LMX1B: variants seen among roughly 807,000 people sequenced by gnomAD.
LMX1B encodes the protein LIM homeobox transcription factor 1-beta.
In LMX1B, 12 loss-of-function variants were observed where a neutral mutation model predicts 51.4. The observed-to-expected ratio is 0.23, with a 90% CI of 0.15 to 0.38. The LOEUF is 0.38. LMX1B is among the 10% of genes least tolerant of loss of function. The pLI, the probability that LMX1B is intolerant of heterozygous loss-of-function variation, is 1.00. For synonymous variants in LMX1B, 237 were observed against 235.4 expected, an observed-to-expected ratio of 1.01 and a Z score of -0.06; for missense variants, 445 against 571.1, an observed-to-expected ratio of 0.78 and a Z score of 2.25.
At chr9:126,690,744 T>C in intron 2 of LMX1B, 92 bp from the exon 3 acceptor site, 1 of 1,119,718 alleles carries the variant, frequency 8.9e-7, no homozygotes, top group Non-Finnish European at 1.3e-6. Flanking sequence ...GGCCTGAGGG[T>C]CAGGGTGGCA....
At chr9:126,665,976 C>T (rs1037826688) in intron 2 of LMX1B, among the ~76,000 whole-genome samples, 1 of 152,236 alleles carries the variant, frequency 6.6e-6, no homozygotes, top group Non-Finnish European at 1.5e-5. Context: ...GAACAAAGAT[C>T]GGAGGAGGAG....
intron 2 of LMX1B, among the ~76,000 whole-genome samples, chr9:126,666,563 G>C (rs927647724): frequency 1.7e-5 from 2 of 119,380 alleles, no homozygotes; most frequent in Admixed American, 1.7e-4. Flanking sequence ...GAGAAAAACA[G>C]GTTGTTAATA....
chr9:126,634,686 G>A (rs1835684395), intron 2 of LMX1B, among the ~76,000 whole-genome samples: 2 of 152,122 alleles, frequency 1.3e-5, no homozygotes, highest in South Asian at 4.1e-4. Context: ...CTATAAAATG[G>A]GTACAGCTAT....
rs1268640334 is a variant in LMX1B, at chr9:126,673,899, T to C, written c.327-16937T>C. Among the ~76,000 whole-genome samples the C allele has an allele frequency of 6.6e-6, 1 of 152,170 alleles. No homozygotes were observed. The highest frequency in any genetic ancestry group is 2.4e-5 in the African/African-American group (1 of 41,432). ...AGAGTAAACAGCCGCTGCCCTGTCC[T>C]CTCTGCGGCCGTGGCCAGGTACACA... On this transcript the variant is annotated intron_variant, in intron 2 of 7. Transcript: ENST00000373474. The surrounding 1 kb of genome is among the most constrained non-coding windows in gnomAD (Gnocchi z 4.4).
rs886692526 is a variant in LMX1B at position 126,671,353 on chromosome 9, C to T, written c.327-19483C>T. Among the ~76,000 whole-genome samples, 7 of 152,146 alleles carry T rather than the reference C, an allele frequency of 4.6e-5. No individual in the cohort carries two copies. The highest frequency in any genetic ancestry group is 3.3e-4 in the Admixed American group (5 of 15,292). ...AAATGAGGTGCGCCAGCAGAAGGCC[C>T]GCCAGGCCCACAGCCCTCCCCTCCC... On this transcript the variant is annotated intron_variant, in intron 2 of 7. Transcript: ENST00000373474. The surrounding 1 kb of genome is among the most constrained non-coding windows in gnomAD (Gnocchi z 4.4).
chr9:126,658,416 C>CCCTGCCCT lies in LMX1B; in HGVS notation c.327-32418_327-32417insTGCCCTCC, dbSNP rs1252415640. 1.1e-4 allele frequency among the ~76,000 whole-genome samples: 16 copies of CCCTGCCCT among 152,232 alleles called. No homozygotes were observed. The highest frequency in any genetic ancestry group is 8.5e-4 in the Admixed American group (13 of 15,298). On this transcript the variant is annotated intron_variant, in intron 2 of 7. Transcript: ENST00000373474. The surrounding 1 kb of genome is among the most constrained non-coding windows in gnomAD (Gnocchi z 4.0). ...GGGCCCGGGCACCCCTGCTGCTGAC[C>CCCTGCCCT]CCCTGCCCTCCCTGCCGCCTGCCAG...
intron 3 of LMX1B, 144 bp downstream of exon 3, chr9:126,691,212 C>T (rs572796421): frequency 1.4e-5 from 9 of 635,962 alleles, no homozygotes; most frequent in African/African-American, 5.4e-5. Flanking sequence ...CAGATGCACA[C>T]GCGCACTGAC....
chr9:126,687,996 A>G lies in LMX1B; in HGVS notation c.327-2840A>G, dbSNP rs187639633. The stretch of plus-strand genomic sequence containing the variant: ...AGACAAAGGCAGCCCCATAATTGGG[A>G]GTGAGTATTTCATGCATCCCCCCCG... On this transcript the variant is annotated intron_variant, in intron 2 of 7. Transcript: ENST00000373474. Among the ~76,000 whole-genome samples, 249 of 152,234 alleles carry G rather than the reference A, an allele frequency of 1.6e-3. 1 individual carries two copies. The highest frequency in any genetic ancestry group is 5.5e-3 in the African/African-American group (230 of 41,542).
At chr9:126,664,521 T>C (rs1487772296) in intron 2 of LMX1B, among the ~76,000 whole-genome samples, 2 of 152,174 alleles carry the variant, frequency 1.3e-5, no homozygotes, top group Non-Finnish European at 2.9e-5. Flanking sequence ...CTCACTTCCC[T>C]TGTCTGTAGA....
At chr9:126,676,338 C>G (rs1482631431) in intron 2 of LMX1B, among the ~76,000 whole-genome samples, 1 of 152,188 alleles carries the variant, frequency 6.6e-6, no homozygotes, top group Non-Finnish European at 1.5e-5. Context: ...CTGACTTGCT[C>G]CCCACCACAG....
At position 126,671,339 on chromosome 9, in the gene LMX1B, G is replaced by A. The variant is rs1240069358; in HGVS notation, c.327-19497G>A. Among the ~76,000 whole-genome samples, 1 of 152,124 alleles carries A rather than the reference G, an allele frequency of 6.6e-6. No homozygotes were observed. Among genetic ancestry groups the A allele is most frequent in the Non-Finnish European group, 1.5e-5 (1 of 68,008 alleles). The stretch of plus-strand genomic sequence containing the variant: ...CACAAATATCAGCTAAATGAGGTGC[G>A]CCAGCAGAAGGCCCGCCAGGCCCAC... On this transcript the variant is annotated intron_variant, in intron 2 of 7. Transcript: ENST00000373474. The surrounding 1 kb of genome is among the most constrained non-coding windows in gnomAD (Gnocchi z 4.4).
chr9:126,624,203 T>C (rs1835475866), intron 2 of LMX1B, among the ~76,000 whole-genome samples: 1 of 152,220 alleles, frequency 6.6e-6, no homozygotes, highest in Non-Finnish European at 1.5e-5. Flanking sequence ...TTCGGGCTTC[T>C]CAGCGTTTCG....
rs943161917 is a variant in LMX1B, at chr9:126,671,303, T to C, written c.327-19533T>C. ...AAAAGCCCCACGTAGATGCTTTGCA[T>C]TGTGAAAACCCACAAATATCAGCTA... On this transcript the variant is annotated intron_variant, in intron 2 of 7. Transcript: ENST00000373474. This position sits in a 1 kb window ranked among gnomAD's most constrained non-coding sequence, Gnocchi z 4.4. Among the ~76,000 whole-genome samples the C allele has an allele frequency of 5.9e-5, 9 of 152,176 alleles. No homozygotes were observed. The highest frequency in any genetic ancestry group is 7.4e-5 in the Non-Finnish European group (5 of 68,020).
At chr9:126,631,201 C>T (rs778599920) in intron 2 of LMX1B, among the ~76,000 whole-genome samples, 5 of 152,242 alleles carry the variant, frequency 3.3e-5, no homozygotes, top group Non-Finnish European at 2.9e-5. Flanking sequence ...GGCCAGTCCC[C>T]GAGGTGCCAT....
chr9:126,650,664 G>A (rs546997024), intron 2 of LMX1B, among the ~76,000 whole-genome samples: 16 of 152,324 alleles, frequency 1.1e-4, no homozygotes, highest in Admixed American at 1.0e-3. Context: ...CCACCACTCA[G>A]GCCAGCCCCT....
chr9:126,695,773 G>A lies in LMX1B; in HGVS notation c.887-66G>A. ...GAGTCCCAAGGAGATCAGAAGGGGA[G>A]GCTGCTGGGGTGTAGCTGGGAGGGC... On this transcript the variant is annotated intron_variant, in intron 6 of 7. Coordinates refer to ENST00000373474, the MANE Select transcript of LMX1B (RefSeq NM_001174147.2). The surrounding 1 kb of genome is among the most constrained non-coding windows in gnomAD (Gnocchi z 5.2). The A allele has an allele frequency of 3.8e-6, 6 of 1,579,792 alleles. No individual in the cohort carries two copies. The highest frequency in any genetic ancestry group is 2.2e-4 in the Middle Eastern group (1 of 4,618).
intron 2 of LMX1B, among the ~76,000 whole-genome samples, chr9:126,627,982 T>C (rs1471149613): frequency 6.6e-6 from 1 of 152,148 alleles, no homozygotes; most frequent in Non-Finnish European, 1.5e-5. Flanking sequence ...CAATCCCAGC[T>C]CTTTAAGAAG....
intron 2 of LMX1B, among the ~76,000 whole-genome samples, chr9:126,631,912 C>T (rs911614160): frequency 6.6e-6 from 1 of 152,134 alleles, no homozygotes; most frequent in African/African-American, 2.4e-5. Context: ...CTGATGCTCC[C>T]ACAGTCCTTT....
In LMX1B at chr9:126,646,712, T is replaced by G. The variant is rs116484379; in HGVS notation, c.326+31143T>G. Among the ~76,000 whole-genome samples, 1,419 of 152,332 alleles carry G rather than the reference T, an allele frequency of 9.3e-3. 26 individuals carry two copies. The highest frequency in any genetic ancestry group is 0.032 in the African/African-American group (1,332 of 41,576). On this transcript the variant is annotated intron_variant, in intron 2 of 7. Coordinates refer to ENST00000373474, the MANE Select transcript of LMX1B (RefSeq NM_001174147.2). ...AGAGACTGTGTTCCCAGAACCAGAC[T>G]CTTGGTCCAATCAGCAAATCTTTGT...
Sources: gnomAD v4.1 joint callset for allele counts (sites outside exome capture counted in the v4.1 genomes callset) on GRCh38, gnomAD v4.1.1 for gene constraint, Gnocchi (gnomAD v3.1) non-coding constraint, MANE v1.5 for transcripts, NCBI Gene and HGNC (gene_info 2026-07-23, HGNC 2026-07-21) for gene names.